KANK1: variants seen among roughly 807,000 people sequenced by gnomAD.
KANK1 encodes KN motif and ankyrin repeat domains 1, also known as KN motif and ankyrin repeat domain-containing protein 1.
In KANK1, 109 loss-of-function variants were observed where a neutral mutation model predicts 106.2. The observed-to-expected ratio is 1.03, with a 90% CI of 0.88 to 1.20. The LOEUF (loss-of-function observed/expected upper bound fraction) is 1.20, where lower values mean the gene tolerates loss of function less well. Among genes scored for constraint, KANK1 ranks in the 50% most tolerant of loss-of-function variants. KANK1 has a pLI of 0.00. For missense variants in KANK1, 2,399 were observed against 1,710.7 expected (o/e 1.40, Z -7.10); for synonymous variants, 873 against 652.2 (o/e 1.34, Z -5.16).
At chr9:470,754 T>G (rs1029941561) in intron 2 of KANK1, 1 of 152,416 alleles carries the variant, frequency 6.6e-6, no homozygotes, top group Non-Finnish European at 1.5e-5. Flanking sequence ...AATCTCCCAT[T>G]CAGCACTTAC....
At chr9:686,951 C>T (rs926750955) in intron 2 of KANK1, 38 of 984,750 alleles carry the variant, frequency 3.9e-5, no homozygotes, top group Non-Finnish European at 4.3e-5. Context: ...GGGGGCTTTT[C>T]CTCTGGGCTC....
intron 1 of KANK1, among the ~76,000 whole-genome samples, chr9:512,132 A>C (rs964444051): frequency 6.6e-6 from 1 of 152,126 alleles, no homozygotes; most frequent in African/African-American, 2.4e-5. Context: ...ACATGTCTTC[A>C]TGGTGACTTC....
At chr9:563,913 A>G (rs1037826307) in intron 1 of KANK1, among the ~76,000 whole-genome samples, 1 of 152,162 alleles carries the variant, frequency 6.6e-6, no homozygotes, top group Non-Finnish European at 1.5e-5. Flanking sequence ...AACCCAATAA[A>G]AATCACTGGT....
At chr9:615,177 C>T (rs1441883583) in intron 1 of KANK1, among the ~76,000 whole-genome samples, 1 of 152,194 alleles carries the variant, frequency 6.6e-6, no homozygotes, top group Non-Finnish European at 1.5e-5. Flanking sequence ...TCAAGCAAGT[C>T]CTCCTGCATT....
intron 1 of KANK1, among the ~76,000 whole-genome samples, chr9:621,654 C>G (rs1307133808): frequency 6.6e-6 from 1 of 152,054 alleles, no homozygotes; most frequent in African/African-American, 2.4e-5. Context: ...GGACATTCCT[C>G]CAGCCAGTGG....
intron 7 of KANK1, among the ~76,000 whole-genome samples, chr9:736,875 C>A (rs144099815): frequency 6.6e-6 from 1 of 152,144 alleles, no homozygotes; most frequent in African/African-American, 2.4e-5. Context: ...TGCCTTACAA[C>A]CCCAGATTTT....
At chr9:472,355 G>T (rs1312178150) in intron 2 of KANK1, among the ~76,000 whole-genome samples, 2 of 152,222 alleles carry the variant, frequency 1.3e-5, no homozygotes, top group Non-Finnish European at 2.9e-5. Flanking sequence ...ATTTCTGAGA[G>T]ATTTCCAACC....
rs2130987168 is a variant in KANK1 at position 713,423 on chromosome 9, G to C, written c.2657G>C (p.Arg886Thr). The C allele has an allele frequency of 6.2e-7, 1 of 1,607,132 alleles. No homozygotes were observed. The highest frequency in any genetic ancestry group is 8.5e-7 in the Non-Finnish European group (1 of 1,177,432). The stretch of plus-strand genomic sequence containing the variant: ...AAATCTGCAAGCACTGAAGAGCTGA[G>C]GAACCCTGACTTCCAGAAAACCAGT... ...VMKSASTEELRNPDFQKTSLG... is the reference protein window; with the variant it reads ...VMKSASTEELTNPDFQKTSLG... Residue 886 changes from arginine to threonine, a missense_variant, in exon 3 of 12, where the codon AGG becomes ACG. Transcript: ENST00000382297.
chr9:487,081 T>G (rs1049247199), intron 3 of KANK1, among the ~76,000 whole-genome samples: 9 of 152,188 alleles, frequency 5.9e-5, no homozygotes, highest in Non-Finnish European at 1.2e-4. Context: ...ATATGCTGAA[T>G]TTTAGGAAAT....
At chr9:649,521 G>C (rs1840419436) in intron 1 of KANK1, among the ~76,000 whole-genome samples, 1 of 152,204 alleles carries the variant, frequency 6.6e-6, no homozygotes, top group South Asian at 2.1e-4. Context: ...TTGGAATGCA[G>C]CTTACAGATG....
chr9:573,116 C>T (rs989425976), intron 1 of KANK1, among the ~76,000 whole-genome samples: 2 of 152,140 alleles, frequency 1.3e-5, no homozygotes, highest in Non-Finnish European at 2.9e-5. Flanking sequence ...CTGCTGCAGT[C>T]AGTCAAGTGC....
At chr9:661,444 G>A (rs921079465) in intron 1 of KANK1, among the ~76,000 whole-genome samples, 4 of 152,082 alleles carry the variant, frequency 2.6e-5, no homozygotes, top group African/African-American at 9.7e-5. Flanking sequence ...TCCCTACAAA[G>A]GACATGAACT....
chr9:548,645 A>AT (rs2061083256), intron 1 of KANK1, among the ~76,000 whole-genome samples: 2 of 152,202 alleles, frequency 1.3e-5, no homozygotes, highest in East Asian at 3.8e-4. Flanking sequence ...CCCATCGTGT[A>AT]TTTTTATGTG....
chr9:672,399 A>T (rs571441907), intron 1 of KANK1, among the ~76,000 whole-genome samples: 100 of 152,360 alleles, frequency 6.6e-4, no homozygotes, highest in South Asian at 1.2e-3. Flanking sequence ...GATGTGTCTT[A>T]TAATGAATGT....
intron 1 of KANK1, among the ~76,000 whole-genome samples, chr9:525,363 G>GTA (rs1350050475): frequency 2.7e-5 from 4 of 150,796 alleles, no homozygotes; most frequent in Non-Finnish European, 5.9e-5. Flanking sequence ...GTGTGTGTGT[G>GTA]TGTGTGTGTG....
intron 1 of KANK1, among the ~76,000 whole-genome samples, chr9:598,519 G>A (rs535380310): frequency 6.7e-6 from 1 of 149,648 alleles, no homozygotes. Context: ...ATTTATTTAG[G>A]TCTTATTCTT....
intron 6 of KANK1, 24 bp from the exon 7 acceptor site, chr9:734,724 G>T: frequency 6.6e-7 from 1 of 1,513,972 alleles, no homozygotes; most frequent in Non-Finnish European, 9.2e-7. Context: ...GTGACCAATC[G>T]TAACTTGTTT....
chr9:505,820 TCCTTTCCTCA>T (rs1253005544), intron 1 of KANK1, among the ~76,000 whole-genome samples: 1 of 152,196 alleles, frequency 6.6e-6, no homozygotes, highest in Admixed American at 6.5e-5. Flanking sequence ...ATCGTGCAGT[TCCTTTCCTCA>T]CCGTCATTGC....
intron 1 of KANK1, among the ~76,000 whole-genome samples, chr9:652,244 G>C (rs948527975): frequency 2.0e-5 from 3 of 152,226 alleles, no homozygotes; most frequent in African/African-American, 7.2e-5. Context: ...GTGTGGGCCA[G>C]GTGCGACGGT....
Sources: gnomAD v4.1 joint callset for allele counts (sites outside exome capture counted in the v4.1 genomes callset) on GRCh38, gnomAD v4.1.1 for gene constraint, MANE v1.5 for transcripts, NCBI Gene and HGNC (gene_info 2026-07-23, HGNC 2026-07-21) for gene names.